The following MTMR6 variants were observed in gnomAD, a reference collection of about 807,000 sequenced individuals.
MTMR6 encodes the protein myotubularin related protein 6, also known as phosphatidylinositol-3,5-bisphosphate 3-phosphatase MTMR6.
In MTMR6, 47 loss-of-function variants were observed where a neutral mutation model predicts 80.1. The ratio of observed to expected loss-of-function variants is 0.59; its 90% CI spans 0.46 to 0.75. The LOEUF (loss-of-function observed/expected upper bound fraction) is 0.75. MTMR6 is among the 30% of genes least tolerant of loss of function. The pLI, the probability that MTMR6 is intolerant of heterozygous loss-of-function variation, is 0.00. For synonymous variants in MTMR6, 254 were observed against 253.0 expected, an observed-to-expected ratio of 1.00 and a Z score of -0.04; for missense variants, 629 against 730.9, an observed-to-expected ratio of 0.86 and a Z score of 1.61.
At position 25,274,157 on chromosome 13, in the gene MTMR6, T is replaced by C. The variant is rs761285926; in HGVS notation, c.55A>G (p.Ser19Gly). The change falls in exon 2 of 14, where the codon AGT (serine) becomes GGT (glycine). Residue 19 changes from serine (S) to glycine (G), a missense_variant. By Grantham distance (56) the Ser-to-Gly change is moderately conservative. Coordinates refer to ENST00000381801, the MANE Select transcript of MTMR6 (RefSeq NM_004685.5). ...VEQVKLLDRF[S>G]TSNKSLTGTL... ...CCTGTTAATGACTTGTTGCTGGTAC[T>C]GAATCGGTCAAGTAATTTTACTTGT... 4.2e-5 allele frequency: 67 copies of C among 1,611,298 alleles called. No individual in the cohort carries two copies. The highest frequency in any genetic ancestry group is 5.5e-5 in the Non-Finnish European group (65 of 1,178,552).
At chr13:25,280,197 T>C (rs1367050204) in intron 1 of MTMR6, among the ~76,000 whole-genome samples, 2 of 152,190 alleles carry the variant, frequency 1.3e-5, no homozygotes, top group East Asian at 1.9e-4. Flanking sequence ...GAGAAGAAAA[T>C]GTCTGAAAGG....
intron 6 of MTMR6, among the ~76,000 whole-genome samples, chr13:25,259,818 C>A (rs1487627535): frequency 6.6e-6 from 1 of 152,034 alleles, no homozygotes; most frequent in Non-Finnish European, 1.5e-5. Flanking sequence ...ACTCTCAACT[C>A]CTAATAAAGT....
At chr13:25,252,418 G>T (rs1463634475) in intron 11 of MTMR6, among the ~76,000 whole-genome samples, 2 of 152,364 alleles carry the variant, frequency 1.3e-5, no homozygotes, top group South Asian at 2.1e-4. Flanking sequence ...GTAAGTGTGA[G>T]TGGGTACAAA....
At chr13:25,270,794 CAAAG>C (rs1957555029) in intron 2 of MTMR6, among the ~76,000 whole-genome samples, 1 of 151,998 alleles carries the variant, frequency 6.6e-6, no homozygotes, top group South Asian at 2.1e-4. Context: ...AGAGTACAAT[CAAAG>C]AGAGAAAGAG....
At chr13:25,257,709 G>T in intron 8 of MTMR6, 27 bp downstream of exon 8, 1 of 1,540,148 alleles carries the variant, frequency 6.5e-7, no homozygotes. Flanking sequence ...TAGACCCCAA[G>T]ACCAAATATG....
rs932920721 is a variant in MTMR6 at position 25,285,395 on chromosome 13, C to T, written c.24+1829G>A. Among the ~76,000 whole-genome samples the T allele has an allele frequency of 2.2e-4, 29 of 132,916 alleles. 1 individual carries two copies. The highest frequency in any genetic ancestry group is 8.3e-4 in the African/African-American group (29 of 35,090). 87.2% of individuals were successfully genotyped at this position (132,916 alleles called of 152,430 possible). On this transcript the variant is annotated intron_variant, in intron 1 of 13. Transcript: ENST00000381801. ...TGATTTTTTATTCTTTTCCGCCCCC[C>T]CCCCCCCAATTATGTCACCCAGGCT...
chr13:25,279,641 G>C (rs1466253114), intron 1 of MTMR6, among the ~76,000 whole-genome samples: 2 of 152,158 alleles, frequency 1.3e-5, no homozygotes, highest in African/African-American at 2.4e-5. Context: ...AGTTCAAATG[G>C]AGAAAGGAAG....
intron 1 of MTMR6, among the ~76,000 whole-genome samples, chr13:25,274,910 T>C (rs1452399206): frequency 7.2e-6 from 1 of 139,842 alleles, no homozygotes; most frequent in African/African-American, 2.6e-5. Context: ...ATAAGGCACA[T>C]AGTATGTTTT....
chr13:25,283,337 C>T (rs1324195121), intron 1 of MTMR6, among the ~76,000 whole-genome samples: 1 of 152,188 alleles, frequency 6.6e-6, no homozygotes, highest in Non-Finnish European at 1.5e-5. Context: ...TTTCAGTTTC[C>T]TCACCTGTAA....
rs1957018042 is a variant in MTMR6, at chr13:25,248,101, C to G, written c.*1131G>C. The G allele has an allele frequency of 6.6e-6, 1 of 151,334 alleles. No homozygotes were observed. Among genetic ancestry groups the G allele is most frequent in the South Asian group, 2.1e-4 (1 of 4,808 alleles). 9.4% of individuals were successfully genotyped at this position (151,334 alleles called of 1,614,324 possible). On this transcript the variant is annotated 3_prime_UTR_variant, in exon 14 of 14. Transcript: ENST00000381801. Reference sequence around the variant, plus strand: ...AAACAGTAACTTTGTACTAGAATCTCTTTTTTTTTCTATATTTAACAAGAA... The same window carrying G: ...AAACAGTAACTTTGTACTAGAATCTGTTTTTTTTTCTATATTTAACAAGAA...
intron 1 of MTMR6, among the ~76,000 whole-genome samples, chr13:25,274,939 G>GAAAGACACACACACACACACAC (rs1957672125): frequency 2.3e-5 from 1 of 42,968 alleles, no homozygotes; most frequent in Non-Finnish European, 6.4e-5. Flanking sequence ...CTAGTAGACA[G>GAAAGACACACACACACACACAC]ACACACACAC....
At chr13:25,254,339 G>C (rs1957148676) in intron 10 of MTMR6, 46 bp downstream of exon 10, 1 of 1,361,722 alleles carries the variant, frequency 7.3e-7, no homozygotes, top group Non-Finnish European at 1.0e-6. Flanking sequence ...TTCTAAACTT[G>C]GTTTACTAAT....
chr13:25,258,788 G>A, intron 6 of MTMR6, 96 bp from the exon 7 acceptor site: 3 of 1,151,140 alleles, frequency 2.6e-6, no homozygotes, highest in Non-Finnish European at 3.5e-6. Flanking sequence ...TTAGCTAGGA[G>A]GCAGTTTAAA....
intron 9 of MTMR6, among the ~76,000 whole-genome samples, chr13:25,255,326 T>C (rs2137530057): frequency 6.6e-6 from 1 of 152,366 alleles, no homozygotes; most frequent in Admixed American, 6.5e-5. Context: ...CTGGTCTCTC[T>C]GCCATTCTTC....
intron 5 of MTMR6, among the ~76,000 whole-genome samples, chr13:25,265,612 A>C (rs1957437701): frequency 6.6e-6 from 1 of 152,030 alleles, no homozygotes; most frequent in Admixed American, 6.6e-5. Context: ...ACGCGCCTGC[A>C]GTCCCAGGTG....
intron 1 of MTMR6, among the ~76,000 whole-genome samples, chr13:25,282,608 TTTC>T (rs1245956191): frequency 7.1e-6 from 1 of 141,200 alleles, no homozygotes; most frequent in Non-Finnish European, 1.5e-5. Context: ...TTTTTTCTTT[TTTC>T]TTTTTTTTTT....
rs554060802 is a variant in MTMR6, at chr13:25,279,354, C to T, written c.25-5167G>A. 2.4e-3 allele frequency among the ~76,000 whole-genome samples: 370 copies of T among 152,216 alleles called. 1 individual carries two copies. The highest frequency in any genetic ancestry group is 3.9e-3 in the Non-Finnish European group (267 of 68,010). On this transcript the variant is annotated intron_variant, in intron 1 of 13. Coordinates refer to ENST00000381801, the MANE Select transcript of MTMR6 (RefSeq NM_004685.5). Reference sequence around the variant, plus strand: ...TGCCACCATGAGAAGACGTGTCTTGCTTCCCTTCACCTTCCACCAAGATTG... The same window carrying T: ...TGCCACCATGAGAAGACGTGTCTTGTTTCCCTTCACCTTCCACCAAGATTG...
chr13:25,274,939 G>GACAGACACACACACACACACACACAC (rs141646990), intron 1 of MTMR6, among the ~76,000 whole-genome samples: 39 of 42,802 alleles, frequency 9.1e-4, no homozygotes, highest in Non-Finnish European at 1.6e-3. Flanking sequence ...CTAGTAGACA[G>GACAGACACACACACACACACACACAC]ACACACACAC....
chr13:25,285,215 T>C (rs1478151501), intron 1 of MTMR6, among the ~76,000 whole-genome samples: 2 of 152,116 alleles, frequency 1.3e-5, no homozygotes, highest in Non-Finnish European at 2.9e-5. Context: ...GCTACAACTC[T>C]ACAAATAAAA....
Sources: allele counts gnomAD v4.1 joint callset (sites outside exome capture counted in the v4.1 genomes callset), GRCh38; gene constraint gnomAD v4.1.1; transcripts MANE v1.5; gene names NCBI Gene and HGNC (gene_info 2026-07-23, HGNC 2026-07-21).